The following LMNTD1 variants were observed in gnomAD, a reference collection of about 807,000 sequenced individuals.
The protein encoded by LMNTD1 is lamin tail domain containing 1.
LMNTD1 carries 35 observed loss-of-function variants against 50.9 expected under a neutral mutation model. The ratio of observed to expected loss-of-function variants is 0.69; its 90% CI spans 0.53 to 0.91. The LOEUF (loss-of-function observed/expected upper bound fraction) is 0.91. Among genes scored for constraint, LMNTD1 ranks in the 40% least tolerant of loss-of-function variants. The pLI is 0.00. For missense variants in LMNTD1, 470 were observed against 475.5 expected (o/e 0.99, Z 0.11); for synonymous variants, 153 against 161.9 (o/e 0.94, Z 0.42).
chr12:25,604,683 A>G (rs1946056627), intron 1 of LMNTD1, among the ~76,000 whole-genome samples: 1 of 152,050 alleles, frequency 6.6e-6, no homozygotes, highest in Admixed American at 6.6e-5. Flanking sequence ...TGAACTCATC[A>G]TTTTTTATGG....
At chr12:25,521,847 C>A (rs1332922485) in intron 6 of LMNTD1, among the ~76,000 whole-genome samples, 2 of 152,110 alleles carry the variant, frequency 1.3e-5, no homozygotes, top group Non-Finnish European at 1.5e-5. Flanking sequence ...TTAAGGAGAC[C>A]CATAAGCACT....
Position 25,520,045 on chromosome 12 carries a change from T to G in LMNTD1, c.829A>C (p.Lys277Gln). The G allele has an allele frequency of 1.2e-6, 2 of 1,612,584 alleles. No individual in the cohort carries two copies. The highest frequency in any genetic ancestry group is 1.7e-6 in the Non-Finnish European group (2 of 1,179,456). Reference sequence around the variant, plus strand: ...GCATCTAATTTTTCCCACGCTTGCTTCCAGTGGATAGGGGTGTACCACGCA... The same window carrying G: ...GCATCTAATTTTTCCCACGCTTGCTGCCAGTGGATAGGGGTGTACCACGCA... ...AIAWYTPIHW[K>Q]QAWEKLDADV... The change falls in exon 7 of 10, where the codon AAG (lysine) becomes CAG (glutamine). Residue 277 changes from lysine to glutamine, a missense_variant. Transcript: ENST00000458174.
intron 1 of LMNTD1, among the ~76,000 whole-genome samples, chr12:25,575,225 A>G (rs1378552344): frequency 6.6e-6 from 1 of 152,120 alleles, no homozygotes; most frequent in Non-Finnish European, 1.5e-5. Context: ...AGGGATTTTT[A>G]TTTCTCAACC....
At chr12:25,533,513 T>C (rs1212196912) in intron 4 of LMNTD1, among the ~76,000 whole-genome samples, 2 of 152,114 alleles carry the variant, frequency 1.3e-5, no homozygotes, top group Non-Finnish European at 2.9e-5. Flanking sequence ...TTTTTGATAT[T>C]CTGCGGTTTG....
At chr12:25,518,770 T>C (rs770427907) in intron 8 of LMNTD1, 25 bp downstream of exon 8, 1 of 1,611,476 alleles carries the variant, frequency 6.2e-7, no homozygotes, top group East Asian at 2.2e-5. Context: ...CACTCTCCAC[T>C]GGAACAAGCA....
chr12:25,584,194 T>C (rs528170777), intron 1 of LMNTD1, among the ~76,000 whole-genome samples: 241 of 152,332 alleles, frequency 1.6e-3, no homozygotes, highest in African/African-American at 5.7e-3. Flanking sequence ...TGCCAATTTA[T>C]ATATATCAAT....
intron 4 of LMNTD1, among the ~76,000 whole-genome samples, chr12:25,542,661 T>C (rs1218140788): frequency 6.6e-6 from 1 of 151,586 alleles, no homozygotes; most frequent in Non-Finnish European, 1.5e-5. Context: ...GCATGGCATA[T>C]GTATACATAT....
At chr12:25,561,017 C>T (rs150150503) in intron 1 of LMNTD1, among the ~76,000 whole-genome samples, 34 of 152,138 alleles carry the variant, frequency 2.2e-4, no homozygotes, top group Non-Finnish European at 4.6e-4. Flanking sequence ...AATTGAATAC[C>T]CTTTTTTTCT....
chr12:25,641,084 T>C (rs1312369408), intron 1 of LMNTD1, among the ~76,000 whole-genome samples: 1 of 152,164 alleles, frequency 6.6e-6, no homozygotes, highest in African/African-American at 2.4e-5. Flanking sequence ...AGATGAAAAA[T>C]AATTTCTGCA....
At chr12:25,527,952 A>G (rs1941936063) in intron 4 of LMNTD1, among the ~76,000 whole-genome samples, 1 of 151,700 alleles carries the variant, frequency 6.6e-6, no homozygotes, top group South Asian at 2.1e-4. Flanking sequence ...ATATTTATAT[A>G]TTTTTCTGTG....
At chr12:25,561,905 C>T (rs369127746) in intron 1 of LMNTD1, among the ~76,000 whole-genome samples, 5 of 152,248 alleles carry the variant, frequency 3.3e-5, no homozygotes, top group Admixed American at 2.0e-4. Context: ...CCTTCTTTGT[C>T]TCTTTGATCT....
chr12:25,567,313 G>T (rs551500850), intron 1 of LMNTD1, among the ~76,000 whole-genome samples: 6 of 152,194 alleles, frequency 3.9e-5, no homozygotes, highest in East Asian at 1.9e-4. Flanking sequence ...TGTACTGTTT[G>T]CTTCTGTTTC....
chr12:25,530,913 A>C (rs1206315093), intron 4 of LMNTD1, among the ~76,000 whole-genome samples: 1 of 152,194 alleles, frequency 6.6e-6, no homozygotes, highest in Non-Finnish European at 1.5e-5. Flanking sequence ...ATGAACCTTA[A>C]AATTAGAGAA....
At chr12:25,548,213 A>C (rs562956482) in intron 3 of LMNTD1, among the ~76,000 whole-genome samples, 3 of 151,686 alleles carry the variant, frequency 2.0e-5, no homozygotes, top group Admixed American at 6.6e-5. Context: ...AGAAAAAAAA[A>C]CCCTATATAA....
At chr12:25,647,864 C>CT (rs1262971735) in intron 1 of LMNTD1, among the ~76,000 whole-genome samples, 15 of 152,222 alleles carry the variant, frequency 9.9e-5, no homozygotes, top group African/African-American at 3.6e-4. Flanking sequence ...TTCATAGGAA[C>CT]TGTCAAATAA....
intron 9 of LMNTD1, among the ~76,000 whole-genome samples, chr12:25,486,430 T>A (rs1380874911): frequency 6.6e-6 from 1 of 150,438 alleles, no homozygotes; most frequent in Admixed American, 6.7e-5. Flanking sequence ...TTTCTAGATA[T>A]ACAATCATGT....
chr12:25,576,412 G>A (rs913555132), intron 1 of LMNTD1, among the ~76,000 whole-genome samples: 2 of 152,146 alleles, frequency 1.3e-5, no homozygotes, highest in African/African-American at 4.8e-5. Flanking sequence ...ATCTCATTGT[G>A]GTTTTGACTT....
chr12:25,590,165 A>T (rs1945652474), intron 1 of LMNTD1, among the ~76,000 whole-genome samples: 1 of 152,194 alleles, frequency 6.6e-6, no homozygotes, highest in Admixed American at 6.5e-5. Flanking sequence ...GGTAGGATAA[A>T]CAGTCTTTAG....
intron 1 of LMNTD1, among the ~76,000 whole-genome samples, chr12:25,569,699 A>G (rs1019183010): frequency 5.9e-5 from 9 of 152,100 alleles, no homozygotes; most frequent in African/African-American, 2.2e-4. Flanking sequence ...TTCACATGAT[A>G]TCTGGTTGTT....
Sources: allele counts gnomAD v4.1 joint callset (sites outside exome capture counted in the v4.1 genomes callset), GRCh38; gene constraint gnomAD v4.1.1; transcripts MANE v1.5; gene names NCBI Gene and HGNC (gene_info 2026-07-23, HGNC 2026-07-21).